GPR157: variants seen among roughly 807,000 people sequenced by gnomAD.
GPR157 encodes the protein G protein-coupled receptor 157, also known as G-protein coupled receptor 157.
A neutral mutation model predicts 23.5 loss-of-function variants in GPR157; 16 were observed. That is an observed-to-expected ratio of 0.68 (90% CI 0.46 to 1.04). The LOEUF is 1.04. GPR157 is among the 50% of genes least tolerant of loss of function. The probability of loss-of-function intolerance (pLI) is 0.00; values close to 1 mark genes in which losing one functional copy is unlikely to be tolerated. For synonymous variants in GPR157, 200 were observed against 221.5 expected (o/e 0.90, Z 0.86); for missense variants, 440 against 460.7 (o/e 0.96, Z 0.41).
chr1:9,123,557 A>ATATTTAAATATATC (rs1638883188), intron 1 of GPR157, among the ~76,000 whole-genome samples: 1 of 111,888 alleles, frequency 8.9e-6, no homozygotes. Context: ...ATTTAAATAT[A>ATATTTAAATATATC]TATTTAAATA....
chr1:9,114,504 G>T (rs902581417), intron 1 of GPR157, among the ~76,000 whole-genome samples: 1 of 152,026 alleles, frequency 6.6e-6, no homozygotes, highest in Admixed American at 6.6e-5. Flanking sequence ...TGGAGCTGGG[G>T]GTCACTCAAA....
intron 1 of GPR157, among the ~76,000 whole-genome samples, chr1:9,127,347 T>C (rs1638982023): frequency 6.6e-6 from 1 of 152,146 alleles, no homozygotes; most frequent in East Asian, 1.9e-4. Flanking sequence ...GTATTCAATA[T>C]TTTTAAAGAC....
chr1:9,109,681 A>G (rs1638432408), intron 2 of GPR157, among the ~76,000 whole-genome samples: 1 of 152,146 alleles, frequency 6.6e-6, no homozygotes, highest in African/African-American at 2.4e-5. Context: ...GGCATGAGCT[A>G]CTGCACCCAG....
rs1638266065 is a variant in GPR157 at position 9,105,327 on chromosome 1, G to C, written c.792+159C>G. On this transcript the variant is annotated intron_variant, in intron 3 of 3. Transcript: ENST00000377411. This position sits in a 1 kb window ranked among gnomAD's most constrained non-coding sequence, Gnocchi z 4.8. ...CTCTGCCTTCTCTCTTCAAGGTCCT[G>C]TCTCAGGCAGAGAGGAAGGCACAGC... is the stretch of plus-strand genomic sequence containing the variant. 6.6e-6 allele frequency among the ~76,000 whole-genome samples: 1 copy of C among 152,176 alleles called. No homozygotes were observed.
In GPR157 at chr1:9,101,454, G is replaced by A. The variant is rs1172638791; in HGVS notation, c.*2965C>T. 1 of 152,270 alleles carries A rather than the reference G, an allele frequency of 6.6e-6. No homozygotes were observed. The highest frequency in any genetic ancestry group is 6.5e-5 in the Admixed American group (1 of 15,278). 9.4% of individuals were successfully genotyped at this position (152,270 alleles called of 1,614,324 possible). A position where few individuals can be genotyped will look rare whatever the true frequency, so the allele number is the denominator to read the frequency against. On this transcript the variant is annotated 3_prime_UTR_variant, in exon 4 of 4. Transcript: ENST00000377411. ...CTGACTTGGTAACTGGATCTAAGAA[G>A]GAGGCGATATTGCTGTTTTCGAGGT...
chr1:9,116,358 A>AAATTATATATATTATATATATAT (rs1557698239), intron 1 of GPR157, among the ~76,000 whole-genome samples: 1 of 12,106 alleles, frequency 8.3e-5, no homozygotes, highest in African/African-American at 4.7e-4. Flanking sequence ...AATTATATAT[A>AAATTATATATATTATATATATAT]AATTATATAT....
chr1:9,126,644 T>C (rs1638968491), intron 1 of GPR157, among the ~76,000 whole-genome samples: 1 of 152,198 alleles, frequency 6.6e-6, no homozygotes, highest in Admixed American at 6.5e-5. Flanking sequence ...AGAAATACAC[T>C]GGAGAGTCCT....
At chr1:9,126,793 T>C (rs1474853485) in intron 1 of GPR157, among the ~76,000 whole-genome samples, 1 of 152,228 alleles carries the variant, frequency 6.6e-6, no homozygotes, top group East Asian at 1.9e-4. Context: ...ACTCCCTCTC[T>C]AGCTTGGATA....
rs1638307291 is a variant in GPR157 at position 9,105,961 on chromosome 1, G to T, written c.598-281C>A. Among the ~76,000 whole-genome samples the T allele has an allele frequency of 6.6e-6, 1 of 152,150 alleles. No homozygotes were observed. Among genetic ancestry groups the T allele is most frequent in the African/African-American group, 2.4e-5 (1 of 41,420 alleles). ...GCTCCCTTCCCAGTCTCAGCTCATG[G>T]AAACAACAGCTTTCTCGTTGCCCAG... On this transcript the variant is annotated intron_variant, in intron 2 of 3. Coordinates refer to ENST00000377411, the MANE Select transcript of GPR157 (RefSeq NM_024980.5). The surrounding 1 kb of genome is among the most constrained non-coding windows in gnomAD (Gnocchi z 4.8).
intron 1 of GPR157, among the ~76,000 whole-genome samples, chr1:9,119,556 T>C (rs1638756686): frequency 6.6e-6 from 1 of 152,152 alleles, no homozygotes; most frequent in Non-Finnish European, 1.5e-5. Context: ...CCCCAGGCTG[T>C]GGTACTTTGT....
intron 2 of GPR157, among the ~76,000 whole-genome samples, chr1:9,106,718 C>T (rs553726694): frequency 6.1e-4 from 93 of 152,360 alleles, no homozygotes; most frequent in African/African-American, 2.1e-3. Flanking sequence ...AATCCCAGCA[C>T]TTTGGGAGGC....
At position 9,104,450 on chromosome 1, in the gene GPR157, T is replaced by C; in HGVS notation, c.977A>G (p.Gln326Arg). Residue 326 changes from glutamine (Q) to arginine (R), a missense_variant, in exon 4 of 4, where the codon CAA (glutamine) becomes CGA (arginine). By Grantham distance (43) the Gln-to-Arg change is conservative. Transcript: ENST00000377411. ...PSKPGESQES[Q>R]GTPGELPST ...GCTTGGAAGTTCCCCTGGGGTCCCT[T>C]GGGATTCCTGAGATTCTCCTGGCTT... The C allele has an allele frequency of 6.2e-7, 1 of 1,613,390 alleles. No individual in the cohort carries two copies. The highest frequency in any genetic ancestry group is 8.5e-7 in the Non-Finnish European group (1 of 1,179,902).
intron 1 of GPR157, among the ~76,000 whole-genome samples, chr1:9,114,188 G>T (rs1484515153): frequency 6.6e-6 from 1 of 151,836 alleles, no homozygotes; most frequent in Non-Finnish European, 1.5e-5. Context: ...AATTAGCCAG[G>T]TGTGGTAGTG....
intron 2 of GPR157, among the ~76,000 whole-genome samples, chr1:9,110,224 A>T (rs561997675): frequency 5.3e-5 from 8 of 152,292 alleles, no homozygotes; most frequent in African/African-American, 1.7e-4. Context: ...GATGCTCGGT[A>T]AAAACATACT....
rs1642551816 is a variant in GPR157, at chr1:9,100,379, C to T, written c.*4040G>A. On this transcript the variant is annotated 3_prime_UTR_variant, in exon 4 of 4. Coordinates refer to ENST00000377411, the MANE Select transcript of GPR157 (RefSeq NM_024980.5). The stretch of plus-strand genomic sequence containing the variant: ...TTCCACCCAGTCAGGGCTTGCATTA[C>T]AATTTTGCAGGTGCAAAAACTCACA... The T allele has an allele frequency of 6.6e-6, 1 of 152,196 alleles. No homozygotes were observed. Among genetic ancestry groups the T allele is most frequent in the Non-Finnish European group, 1.5e-5 (1 of 68,038 alleles). 9.4% of individuals were successfully genotyped at this position (152,196 alleles called of 1,614,324 possible). A position where few individuals can be genotyped will look rare whatever the true frequency, so the allele number is the denominator to read the frequency against.
chr1:9,113,548 G>A (rs1638560271), intron 1 of GPR157, among the ~76,000 whole-genome samples: 1 of 152,138 alleles, frequency 6.6e-6, no homozygotes, highest in Non-Finnish European at 1.5e-5. Flanking sequence ...GGCCTCTGTA[G>A]GGAAGGGCAG....
chr1:9,121,296 C>A (rs1638793350), intron 1 of GPR157, among the ~76,000 whole-genome samples: 1 of 151,404 alleles, frequency 6.6e-6, no homozygotes. Flanking sequence ...CACACCACTG[C>A]ACTCCAGCCT....
intron 1 of GPR157, among the ~76,000 whole-genome samples, chr1:9,127,961 GC>G (rs1162213914): frequency 6.6e-6 from 1 of 152,084 alleles, no homozygotes; most frequent in African/African-American, 2.4e-5. Context: ...TAAGGTCTTG[GC>G]TTTTCCCCAC....
chr1:9,124,418 C>G (rs1233685166), intron 1 of GPR157, among the ~76,000 whole-genome samples: 1 of 152,138 alleles, frequency 6.6e-6, no homozygotes, highest in Non-Finnish European at 1.5e-5. Flanking sequence ...CTGCAGAGAG[C>G]CTATGAATGG....
Sources: allele counts gnomAD v4.1 joint callset (sites outside exome capture counted in the v4.1 genomes callset), GRCh38; gene constraint gnomAD v4.1.1; non-coding constraint Gnocchi (gnomAD v3.1); transcripts MANE v1.5; gene names NCBI Gene and HGNC (gene_info 2026-07-23, HGNC 2026-07-21).